DLGAP2: variants seen among roughly 807,000 people sequenced by gnomAD.
The protein encoded by DLGAP2 is disks large-associated protein 2.
In DLGAP2, 26 loss-of-function variants were observed where a neutral mutation model predicts 100.3. The observed-to-expected ratio is 0.26, with a 90% confidence interval of 0.19 to 0.36. The LOEUF (loss-of-function observed/expected upper bound fraction) is 0.36, where lower values mean the gene tolerates loss of function less well. Among genes scored for constraint, DLGAP2 ranks in the 10% least tolerant of loss-of-function variants. The probability of loss-of-function intolerance (pLI) is 1.00; values close to 1 mark genes in which losing one functional copy is unlikely to be tolerated. For synonymous variants in DLGAP2, 886 were observed against 630.1 expected, an observed-to-expected ratio of 1.41 and a Z score of -6.08; for missense variants, 1,858 against 1,453.2, an observed-to-expected ratio of 1.28 and a Z score of -4.53.
At chr8:1,279,163 T>A (rs765847569) in intron 3 of DLGAP2, among the ~76,000 whole-genome samples, 1 of 152,208 alleles carries the variant, frequency 6.6e-6, no homozygotes, top group Non-Finnish European at 1.5e-5. Flanking sequence ...TTGACAGTCT[T>A]ATCTATGATA....
chr8:1,618,190 A>G (rs759338938), intron 6 of DLGAP2, among the ~76,000 whole-genome samples: 24 of 152,316 alleles, frequency 1.6e-4, no homozygotes, highest in Admixed American at 7.8e-4. Context: ...TTATTCTTAT[A>G]TCACATGATT....
At chr8:1,451,671 C>G (rs1798163505) in intron 3 of DLGAP2, among the ~76,000 whole-genome samples, 1 of 152,116 alleles carries the variant, frequency 6.6e-6, no homozygotes, top group African/African-American at 2.4e-5. Flanking sequence ...AACTGAGGTC[C>G]CCAGCAGCCC....
intron 3 of DLGAP2, among the ~76,000 whole-genome samples, chr8:1,452,449 C>T (rs940684268): frequency 6.6e-6 from 1 of 152,248 alleles, no homozygotes. Context: ...ATGGAAGATG[C>T]ATTCAGCACC....
At chr8:869,744 T>C (rs1003231622) in intron 1 of DLGAP2, among the ~76,000 whole-genome samples, 1 of 152,252 alleles carries the variant, frequency 6.6e-6, no homozygotes, top group Admixed American at 6.5e-5. Context: ...CGTGATATTT[T>C]GGCAAGCCTG....
At chr8:1,148,752 T>G (rs1367133577) in intron 2 of DLGAP2, among the ~76,000 whole-genome samples, 1 of 152,226 alleles carries the variant, frequency 6.6e-6, no homozygotes, top group African/African-American at 2.4e-5. Flanking sequence ...TGAGTTCAAA[T>G]TTAATTCTAC....
chr8:896,302 GT>G (rs749095967), intron 1 of DLGAP2, among the ~76,000 whole-genome samples: 8 of 151,872 alleles, frequency 5.3e-5, no homozygotes, highest in Non-Finnish European at 1.2e-4. Context: ...TGGGATGCAG[GT>G]TTGGAGGAGA....
At chr8:1,634,921 A>T (rs912362638) in intron 8 of DLGAP2, among the ~76,000 whole-genome samples, 2 of 152,156 alleles carry the variant, frequency 1.3e-5, no homozygotes, top group Admixed American at 1.3e-4. Flanking sequence ...ATAAATTACA[A>T]AAAAAAGATT....
chr8:1,586,676 C>A (rs145558765), intron 6 of DLGAP2, among the ~76,000 whole-genome samples: 1 of 152,212 alleles, frequency 6.6e-6, no homozygotes, highest in Non-Finnish European at 1.5e-5. Flanking sequence ...GTACCACGTG[C>A]GTCCTTCTGT....
intron 2 of DLGAP2, among the ~76,000 whole-genome samples, chr8:948,338 C>T (rs1387099116): frequency 1.3e-5 from 2 of 152,188 alleles, no homozygotes; most frequent in Admixed American, 6.5e-5. Flanking sequence ...GCGTGAGGTC[C>T]GTGCAGAGGA....
At chr8:1,366,144 T>C (rs1442725637) in intron 3 of DLGAP2, among the ~76,000 whole-genome samples, 3 of 152,242 alleles carry the variant, frequency 2.0e-5, no homozygotes, top group African/African-American at 7.2e-5. Flanking sequence ...TTGAAAAGTT[T>C]CCTATTTTCT....
intron 2 of DLGAP2, among the ~76,000 whole-genome samples, chr8:1,050,515 C>T (rs60344959): frequency 0.059 from 9,040 of 152,190 alleles, 876 homozygotes; most frequent in African/African-American, 0.21. Context: ...TTTTGACTTA[C>T]GGCATTTTCA....
chr8:1,702,754 C>T lies in DLGAP2; in HGVS notation c.*1348C>T, dbSNP rs1799608888. ...TTGTTCTGACACGACTTCTGTTTCA[C>T]AGTTCAGACCGGTCTTCAAAGGAAA... On this transcript the variant is annotated 3_prime_UTR_variant, in exon 15 of 15. Coordinates refer to ENST00000637795, the MANE Select transcript of DLGAP2 (RefSeq NM_001346810.2). 1 of 152,260 alleles carries T rather than the reference C, an allele frequency of 6.6e-6. No individual in the cohort carries two copies. 9.4% of individuals were successfully genotyped at this position (152,260 alleles called of 1,614,324 possible).
intron 8 of DLGAP2, among the ~76,000 whole-genome samples, chr8:1,662,737 C>T (rs1296029810): frequency 1.3e-5 from 2 of 152,236 alleles, no homozygotes; most frequent in African/African-American, 2.4e-5. Context: ...CAAAGTATAA[C>T]GTGCTCCACA....
chr8:947,232 C>G (rs1799349388), intron 2 of DLGAP2, among the ~76,000 whole-genome samples: 2 of 152,154 alleles, frequency 1.3e-5, no homozygotes, highest in South Asian at 2.1e-4. Flanking sequence ...CAGGGCTGCC[C>G]CACACTCTCT....
intron 2 of DLGAP2, among the ~76,000 whole-genome samples, chr8:1,199,417 T>A (rs934296633): frequency 6.6e-6 from 1 of 152,186 alleles, no homozygotes; most frequent in African/African-American, 2.4e-5. Context: ...AAGTGAGCGC[T>A]TATTACAAAT....
At chr8:1,535,882 G>T (rs1801139222) in intron 4 of DLGAP2, among the ~76,000 whole-genome samples, 2 of 152,224 alleles carry the variant, frequency 1.3e-5, no homozygotes. Context: ...GGCATGGACG[G>T]TGCTGTGGAT....
At chr8:1,433,213 C>T (rs1002146619) in intron 3 of DLGAP2, among the ~76,000 whole-genome samples, 3 of 152,184 alleles carry the variant, frequency 2.0e-5, no homozygotes, top group African/African-American at 7.2e-5. Flanking sequence ...AGGAGCTTAC[C>T]TTGAAAATAA....
chr8:830,058 G>A (rs1413542158), intron 1 of DLGAP2, among the ~76,000 whole-genome samples: 3 of 152,190 alleles, frequency 2.0e-5, no homozygotes, highest in East Asian at 3.9e-4. Context: ...GATTTTTAAA[G>A]ATCTTCATTG....
intron 3 of DLGAP2, among the ~76,000 whole-genome samples, chr8:1,447,709 T>G (rs1026400294): frequency 1.2e-4 from 18 of 152,186 alleles, no homozygotes; most frequent in African/African-American, 4.1e-4. Flanking sequence ...GTGAATCCAT[T>G]TGGTCCTGGA....
Sources: gnomAD v4.1 joint callset for allele counts (sites outside exome capture counted in the v4.1 genomes callset) on GRCh38, gnomAD v4.1.1 for gene constraint, MANE v1.5 for transcripts, NCBI Gene and HGNC (gene_info 2026-07-23, HGNC 2026-07-21) for gene names.